The following QTGAL variants were observed in gnomAD, a reference collection of about 807,000 sequenced individuals.
The protein encoded by QTGAL is queuosine-tRNA galactosyltransferase.
At chr17:82,945,447 T>C in the QTGAL span, 1 of 152,224 alleles carries the variant, frequency 6.6e-6, no homozygotes, top group Non-Finnish European at 1.5e-5. Flanking sequence ...CAGAGTGATA[T>C]AAACGACTAC....
At chr17:82,963,385 G>C in the QTGAL span, among the ~76,000 whole-genome samples, 179 of 152,296 alleles carry the variant, frequency 1.2e-3, no homozygotes, top group African/African-American at 3.6e-3. Flanking sequence ...GGGACAGAAG[G>C]GGGAGAGCTC....
chr17:83,004,727 G>A, the QTGAL span, among the ~76,000 whole-genome samples: 1 of 126,176 alleles, frequency 7.9e-6, no homozygotes, highest in African/African-American at 3.2e-5. Flanking sequence ...TCTGCAGTCC[G>A]CGTGTGGGAT....
At chr17:82,993,138 T>C in the QTGAL span, among the ~76,000 whole-genome samples, 1 of 152,056 alleles carries the variant, frequency 6.6e-6, no homozygotes, top group African/African-American at 2.4e-5. Flanking sequence ...TAACATTAAA[T>C]GTAAGTGGAT....
the QTGAL span, among the ~76,000 whole-genome samples, chr17:82,970,455 C>G: frequency 6.6e-6 from 1 of 152,018 alleles, no homozygotes; most frequent in Non-Finnish European, 1.5e-5. Flanking sequence ...TGCAGCCAGA[C>G]ACCTGGAGCT....
At chr17:83,030,255 A>G in the QTGAL span, among the ~76,000 whole-genome samples, 1 of 152,236 alleles carries the variant, frequency 6.6e-6, no homozygotes, top group African/African-American at 2.4e-5. Context: ...TAAGTTCTCC[A>G]TGAGAGGAAA....
At chr17:82,949,796 T>C in the QTGAL span, 6 of 152,144 alleles carry the variant, frequency 3.9e-5, no homozygotes, top group African/African-American at 1.2e-4. Flanking sequence ...AATTCTGTGG[T>C]GGGATGGTGG....
the QTGAL span, among the ~76,000 whole-genome samples, chr17:82,970,689 G>GCCGTGA: frequency 1.2e-5 from 1 of 86,638 alleles, no homozygotes; most frequent in Admixed American, 1.2e-4. Flanking sequence ...GTGATGCGAG[G>GCCGTGA]CCTCTGCACA....
At chr17:82,951,818 C>A in the QTGAL span, among the ~76,000 whole-genome samples, 5 of 139,650 alleles carry the variant, frequency 3.6e-5, no homozygotes, top group African/African-American at 5.2e-5. Flanking sequence ...TGGGGGGGAG[C>A]GGGGAGGCGA....
At chr17:82,963,142 CG>C in the QTGAL span, among the ~76,000 whole-genome samples, 1 of 152,186 alleles carries the variant, frequency 6.6e-6, no homozygotes, top group Admixed American at 6.5e-5. Context: ...GAACCATCCT[CG>C]GGCAGCCTTG....
chr17:82,957,982 C>T, the QTGAL span, among the ~76,000 whole-genome samples: 2 of 152,178 alleles, frequency 1.3e-5, no homozygotes, highest in African/African-American at 4.8e-5. Context: ...CGACCCCAGG[C>T]TGCTGTCCCG....
chr17:82,977,038 G>A, the QTGAL span, among the ~76,000 whole-genome samples: 73 of 152,214 alleles, frequency 4.8e-4, no homozygotes, highest in Non-Finnish European at 1.0e-4. Context: ...CAGGGAGGCC[G>A]GAAGACAGTC....
chr17:83,005,594 G>A, the QTGAL span: 1 of 702,834 alleles, frequency 1.4e-6, no homozygotes, highest in African/African-American at 1.7e-5. This position sits in a 1 kb window ranked among gnomAD's most constrained non-coding sequence, Gnocchi z 5.6. Flanking sequence ...CACATGCAAA[G>A]TGGATGTGAG....
the QTGAL span, among the ~76,000 whole-genome samples, chr17:82,999,144 A>G: frequency 1.3e-5 from 2 of 152,192 alleles, no homozygotes; most frequent in African/African-American, 4.8e-5. Context: ...TTTTCCCAAG[A>G]GAAAAGGCTG....
chr17:82,984,370 G>A, the QTGAL span, among the ~76,000 whole-genome samples: 1 of 151,394 alleles, frequency 6.6e-6, no homozygotes, highest in East Asian at 2.0e-4. Flanking sequence ...CGCAGGGAGA[G>A]GCCACGTGAT....
chr17:82,987,537 A>G, the QTGAL span, among the ~76,000 whole-genome samples: 5 of 152,214 alleles, frequency 3.3e-5, no homozygotes, highest in African/African-American at 1.2e-4. Flanking sequence ...CTGTTGGACA[A>G]CCTAAGTCTT....
the QTGAL span, among the ~76,000 whole-genome samples, chr17:82,977,963 C>T: frequency 6.6e-6 from 1 of 152,184 alleles, no homozygotes; most frequent in Non-Finnish European, 1.5e-5. Context: ...TTCCCAAGCT[C>T]CTCCTGCCCT....
chr17:82,979,579 A>G, the QTGAL span, among the ~76,000 whole-genome samples: 1 of 152,248 alleles, frequency 6.6e-6, no homozygotes, highest in Non-Finnish European at 1.5e-5. Context: ...GGACTTGTAC[A>G]CTAAAAACTA....
chr17:82,970,607 G>A, the QTGAL span, among the ~76,000 whole-genome samples: 155 of 129,966 alleles, frequency 1.2e-3, 10 homozygotes, highest in South Asian at 3.9e-3. Flanking sequence ...CGGCGTGGCC[G>A]CGACCTCCCC....
chr17:82,977,279 G>A, the QTGAL span, among the ~76,000 whole-genome samples: 1 of 152,188 alleles, frequency 6.6e-6, no homozygotes, highest in Non-Finnish European at 1.5e-5. Context: ...GCGCCGCCCC[G>A]ACACGGACCG....
Sources: allele counts gnomAD v4.1 joint callset (sites outside exome capture counted in the v4.1 genomes callset), GRCh38; gene constraint gnomAD v4.1.1; non-coding constraint Gnocchi (gnomAD v3.1); transcripts MANE v1.5; gene names NCBI Gene and HGNC (gene_info 2026-07-23, HGNC 2026-07-21).